LARGE1: variants seen among roughly 807,000 people sequenced by gnomAD.
LARGE1 encodes LARGE xylosyl- and glucuronyltransferase 1, also known as xylosyl- and glucuronyltransferase LARGE1.
In LARGE1, 43 loss-of-function variants were observed where a neutral mutation model predicts 87.6. The ratio of observed to expected loss-of-function variants is 0.49; its 90% CI spans 0.38 to 0.63. The LOEUF (loss-of-function observed/expected upper bound fraction) is 0.63. Among genes scored for constraint, LARGE1 ranks in the 30% least tolerant of loss-of-function variants. The pLI, the probability that LARGE1 is intolerant of heterozygous loss-of-function variation, is 0.00. For missense variants in LARGE1, 802 were observed against 1,000.2 expected, an observed-to-expected ratio of 0.80 and a Z score of 2.67; for synonymous variants, 434 against 394.6, an observed-to-expected ratio of 1.10 and a Z score of -1.18.
intron 3 of LARGE1, among the ~76,000 whole-genome samples, chr22:33,647,266 GA>G (rs1452990822): frequency 6.6e-6 from 1 of 152,202 alleles, no homozygotes; most frequent in East Asian, 1.9e-4. Context: ...GAATGTTCCA[GA>G]AAAACATGGC....
chr22:33,476,573 A>T (rs1306099372), intron 6 of LARGE1, among the ~76,000 whole-genome samples: 1 of 152,190 alleles, frequency 6.6e-6, no homozygotes, highest in Non-Finnish European at 1.5e-5. Context: ...TGTCATAGGC[A>T]TGTCCTTAAC....
At chr22:33,588,769 C>A (rs958008914) in intron 5 of LARGE1, among the ~76,000 whole-genome samples, 1 of 151,950 alleles carries the variant, frequency 6.6e-6, no homozygotes, top group Non-Finnish European at 1.5e-5. Flanking sequence ...GAAGTTAGGA[C>A]CCGAATCCTA....
chr22:33,750,232 T>C (rs1314177140), intron 2 of LARGE1, among the ~76,000 whole-genome samples: 4 of 152,162 alleles, frequency 2.6e-5, no homozygotes, highest in African/African-American at 9.7e-5. Flanking sequence ...CGTGACAAAA[T>C]GGATCATCCG....
At chr22:33,912,185 G>A (rs2146966046) in intron 1 of LARGE1, among the ~76,000 whole-genome samples, 1 of 152,264 alleles carries the variant, frequency 6.6e-6, no homozygotes, top group African/African-American at 2.4e-5. Flanking sequence ...GTTGGCACAT[G>A]AAGGATCTAC....
intron 4 of LARGE1, among the ~76,000 whole-genome samples, chr22:33,606,201 C>G (rs1219777468): frequency 6.6e-6 from 1 of 151,960 alleles, no homozygotes; most frequent in African/African-American, 2.4e-5. Flanking sequence ...ATCAGGAGAT[C>G]GAGACCATCC....
chr22:33,776,725 T>C (rs2085250763), intron 1 of LARGE1, among the ~76,000 whole-genome samples: 1 of 152,212 alleles, frequency 6.6e-6, no homozygotes. Flanking sequence ...CATCCCTTAG[T>C]GTTGAAGGGT....
At position 33,394,017 on chromosome 22, in the gene LARGE1, A is replaced by C. The variant is rs5994726; in HGVS notation, c.893-9713T>G. Among the ~76,000 whole-genome samples, 1,234 of 151,826 alleles carry C rather than the reference A, an allele frequency of 8.1e-3. 17 individuals carry two copies. Among genetic ancestry groups the C allele is most frequent in the African/African-American group, 0.028 (1,164 of 41,364 alleles). On this transcript the variant is annotated intron_variant, in intron 7 of 14. Coordinates refer to ENST00000397394, the MANE Select transcript of LARGE1 (RefSeq NM_133642.5). Reference sequence around the variant, plus strand: ...GGGAAAGAAAAGTAGGTATCTGTGCAGAGAGGAAAGTGAGAATAATGCTAT... The same window carrying C: ...GGGAAAGAAAAGTAGGTATCTGTGCCGAGAGGAAAGTGAGAATAATGCTAT...
intron 9 of LARGE1, among the ~76,000 whole-genome samples, chr22:33,375,242 G>C (rs2064953550): frequency 2.0e-5 from 3 of 152,124 alleles, no homozygotes; most frequent in Admixed American, 1.3e-4. Context: ...CAATGATTTG[G>C]TAAACTATAT....
chr22:33,475,734 G>A (rs550259307), intron 6 of LARGE1, among the ~76,000 whole-genome samples: 6 of 152,236 alleles, frequency 3.9e-5, no homozygotes, highest in South Asian at 4.1e-4. Context: ...AAAGTGTTGG[G>A]ATTACAGGCG....
chr22:33,889,009 G>A (rs908460439), intron 1 of LARGE1: 6 of 152,166 alleles, frequency 3.9e-5, no homozygotes, highest in African/African-American at 1.4e-4. Flanking sequence ...ATCAGCATCT[G>A]CCTGACCCTA....
intron 6 of LARGE1, among the ~76,000 whole-genome samples, chr22:33,545,182 C>A (rs1371717021): frequency 6.6e-6 from 1 of 152,040 alleles, no homozygotes; most frequent in East Asian, 1.9e-4. Flanking sequence ...CCTACTTAAT[C>A]TGCAAACTGG....
intron 5 of LARGE1, among the ~76,000 whole-genome samples, chr22:33,587,983 G>C (rs2078725707): frequency 6.6e-6 from 1 of 152,178 alleles, no homozygotes; most frequent in South Asian, 2.1e-4. Context: ...TCTTGAGCAA[G>C]AGACCATGGA....
Position 33,918,075 on chromosome 22 carries a change from A to C in LARGE1, c.-83+1920T>G, listed in dbSNP as rs144998425. Among the ~76,000 whole-genome samples, 723 of 152,370 alleles carry C rather than the reference A, an allele frequency of 4.7e-3. 2 individuals carry two copies. Among genetic ancestry groups the C allele is most frequent in the Admixed American group, 7.4e-3 (113 of 15,308 alleles). ...CATCAACTTTAAAGCGCAGCTCAGG[A>C]ACCCAGAAACAAAGGAAACCTTCGT... On this transcript the variant is annotated intron_variant, in intron 1 of 14. Transcript: ENST00000397394.
intron 5 of LARGE1, chr22:33,572,158 T>C (rs1213321322): frequency 8.1e-7 from 1 of 1,237,044 alleles, no homozygotes; most frequent in Non-Finnish European, 1.1e-6. Context: ...TATTAACATT[T>C]TGCTGTGGAT....
chr22:33,436,745 T>G (rs1457156177), intron 6 of LARGE1: 1 of 152,606 alleles, frequency 6.6e-6, no homozygotes, highest in Non-Finnish European at 1.5e-5. Context: ...GGAGCCAGCA[T>G]GCCAACAGAT....
At chr22:33,786,944 C>A (rs1253588957) in intron 1 of LARGE1, among the ~76,000 whole-genome samples, 1 of 151,518 alleles carries the variant, frequency 6.6e-6, no homozygotes, top group Non-Finnish European at 1.5e-5. Context: ...TCACTGGAAC[C>A]CGGGAAGCAG....
At chr22:33,756,144 A>G (rs1214196629) in intron 2 of LARGE1, among the ~76,000 whole-genome samples, 1 of 152,156 alleles carries the variant, frequency 6.6e-6, no homozygotes, top group African/African-American at 2.4e-5. Flanking sequence ...CAATTGTGGA[A>G]GACCCCAGAG....
intron 2 of LARGE1, chr22:33,750,871 G>A (rs2036843874): frequency 6.6e-6 from 1 of 151,876 alleles, no homozygotes; most frequent in Non-Finnish European, 1.5e-5. Flanking sequence ...TGGTATATCA[G>A]AAAGGAAAAA....
intron 5 of LARGE1, among the ~76,000 whole-genome samples, chr22:33,581,847 GT>G (rs1303398634): frequency 6.6e-6 from 1 of 150,654 alleles, no homozygotes; most frequent in Non-Finnish European, 1.5e-5. Context: ...TGACCCATCA[GT>G]GTCCCAAATG....
Sources: gnomAD v4.1 joint callset for allele counts (sites outside exome capture counted in the v4.1 genomes callset) on GRCh38, gnomAD v4.1.1 for gene constraint, MANE v1.5 for transcripts, NCBI Gene and HGNC (gene_info 2026-07-23, HGNC 2026-07-21) for gene names.